The following BCAR3 variants were observed in gnomAD, a reference collection of about 807,000 sequenced individuals.
BCAR3 encodes the protein breast cancer anti-estrogen resistance protein 3.
Under a neutral mutation model 80.1 loss-of-function variants are expected in BCAR3, and 37 were observed. That is an observed-to-expected ratio of 0.46 (90% CI 0.36 to 0.61). The LOEUF is 0.61. Among genes scored for constraint, BCAR3 ranks in the 20% least tolerant of loss-of-function variants. The pLI is 0.00. For synonymous variants in BCAR3, 389 were observed against 418.9 expected (o/e 0.93, Z 0.87); for missense variants, 978 against 1,068.2 (o/e 0.92, Z 1.18).
At chr1:93,817,523 G>A (rs2818167) in intron 2 of BCAR3, among the ~76,000 whole-genome samples, 91,748 of 152,074 alleles carry the variant, frequency 0.6, 28,943 homozygotes, top group East Asian at 0.78. Flanking sequence ...GTTGAGTGTC[G>A]TGACCTTTCA....
upstream of BCAR3, chr1:93,847,215 G>T (rs1655247805): frequency 5.2e-6 from 1 of 190,924 alleles, no homozygotes; most frequent in South Asian, 8.2e-5. Flanking sequence ...GCGGCCGCCG[G>T]AGAGACCTGG....
At chr1:93,816,607 G>T (rs1215559338) in intron 2 of BCAR3, among the ~76,000 whole-genome samples, 1 of 145,366 alleles carries the variant, frequency 6.9e-6, no homozygotes, top group African/African-American at 2.6e-5. Context: ...GGAGGCGGAG[G>T]TTGCAGTGAG....
intron 3 of BCAR3, among the ~76,000 whole-genome samples, chr1:93,622,020 C>T (rs1229014016): frequency 3.9e-5 from 6 of 152,228 alleles, no homozygotes; most frequent in East Asian, 1.9e-4. Context: ...TACAGGCACC[C>T]GCCACCATGC....
chr1:93,735,280 C>A (rs71652543), intron 2 of BCAR3, among the ~76,000 whole-genome samples: 2,314 of 152,308 alleles, frequency 0.015, 24 homozygotes, highest in Non-Finnish European at 0.025. Flanking sequence ...ACATGTGGAA[C>A]CACATTCCAA....
At chr1:93,785,525 T>C (rs2100766109) in intron 2 of BCAR3, among the ~76,000 whole-genome samples, 1 of 152,346 alleles carries the variant, frequency 6.6e-6, no homozygotes, top group Admixed American at 6.5e-5. Flanking sequence ...GTGCTAGCTA[T>C]ACCAAACATG....
intron 2 of BCAR3, among the ~76,000 whole-genome samples, chr1:93,662,172 T>C (rs572446630): frequency 2.0e-5 from 3 of 152,226 alleles, no homozygotes; most frequent in Non-Finnish European, 4.4e-5. Context: ...ATTCACCAGG[T>C]ATGATTTGGG....
Position 93,571,849 on chromosome 1 carries a change from C to A in BCAR3, c.1803-8G>T. ...ATGGCCATTGTGTTGTGTCTGAAAG[C>A]CAGGAGATCAGCGGTCAGGTTCAGG... On this transcript the variant is annotated splice_region_variant and splice_polypyrimidine_tract_variant and intron_variant, in intron 8 of 11. Transcript: ENST00000260502. The A allele has an allele frequency of 4.3e-6, 7 of 1,609,956 alleles. No homozygotes were observed. Among genetic ancestry groups the A allele is most frequent in the Non-Finnish European group, 5.1e-6 (6 of 1,177,606 alleles).
intron 2 of BCAR3, among the ~76,000 whole-genome samples, chr1:93,647,816 A>G (rs983346953): frequency 6.6e-6 from 1 of 151,636 alleles, no homozygotes; most frequent in African/African-American, 2.4e-5. Context: ...CTTGTCGCCC[A>G]GGCTAGAGTG....
chr1:93,802,634 G>A (rs1450913905), intron 2 of BCAR3, among the ~76,000 whole-genome samples: 2 of 152,190 alleles, frequency 1.3e-5, no homozygotes, highest in African/African-American at 2.4e-5. Context: ...TGGGAGTAAA[G>A]GAATATCTAG....
intron 2 of BCAR3, among the ~76,000 whole-genome samples, chr1:93,805,294 G>A (rs1483594796): frequency 6.6e-6 from 1 of 152,210 alleles, no homozygotes; most frequent in Non-Finnish European, 1.5e-5. Context: ...GGAGTGAGCT[G>A]CAGCTAAGGG....
intron 2 of BCAR3, among the ~76,000 whole-genome samples, chr1:93,643,574 A>AG (rs1676061873): frequency 6.8e-6 from 1 of 147,330 alleles, no homozygotes; most frequent in African/African-American, 2.5e-5. Flanking sequence ...AAAAAAAAAA[A>AG]GAAATTTTTT....
At chr1:93,702,654 A>G (rs899187153) in intron 3 of BCAR3, among the ~76,000 whole-genome samples, 4 of 152,204 alleles carry the variant, frequency 2.6e-5, no homozygotes, top group Non-Finnish European at 5.9e-5. Flanking sequence ...AAAGCACTTC[A>G]TTAAGACAGG....
chr1:93,784,338 G>C (rs1251645845), intron 2 of BCAR3, among the ~76,000 whole-genome samples: 2 of 152,168 alleles, frequency 1.3e-5, no homozygotes, highest in East Asian at 3.8e-4. Context: ...TATTGATGAG[G>C]TGAGGACAGG....
At chr1:93,569,043 T>C in intron 9 of BCAR3, among the ~76,000 whole-genome samples, 1 of 152,192 alleles carries the variant, frequency 6.6e-6, no homozygotes, top group Non-Finnish European at 1.5e-5. Flanking sequence ...TGGAACAATT[T>C]AGTCAGCAGC....
intron 2 of BCAR3, among the ~76,000 whole-genome samples, chr1:93,731,890 C>A (rs1650805114): frequency 6.6e-6 from 1 of 152,154 alleles, no homozygotes; most frequent in Non-Finnish European, 1.5e-5. Context: ...CCCACTGCCT[C>A]TGGGCAAAGA....
At chr1:93,805,990 A>G (rs889945403) in intron 2 of BCAR3, among the ~76,000 whole-genome samples, 2 of 152,152 alleles carry the variant, frequency 1.3e-5, no homozygotes, top group Non-Finnish European at 2.9e-5. Flanking sequence ...AGGTTAAATA[A>G]TGAAATTGAA....
At chr1:93,641,001 C>T (rs1044287145) in intron 3 of BCAR3, among the ~76,000 whole-genome samples, 1 of 152,194 alleles carries the variant, frequency 6.6e-6, no homozygotes, top group African/African-American at 2.4e-5. Flanking sequence ...TAATACTTTG[C>T]AATGCACAAC....
chr1:93,791,052 A>G (rs1405714939), intron 2 of BCAR3, among the ~76,000 whole-genome samples: 1 of 85,286 alleles, frequency 1.2e-5, no homozygotes, highest in Non-Finnish European at 2.1e-5. Flanking sequence ...CCAGTCTATC[A>G]TTGTTGGACA....
chr1:93,595,612 A>T (rs911052630), intron 3 of BCAR3, among the ~76,000 whole-genome samples: 29 of 152,220 alleles, frequency 1.9e-4, no homozygotes, highest in African/African-American at 7.0e-4. Context: ...ACATAAATTA[A>T]TGCAATTATT....
Sources: allele counts gnomAD v4.1 joint callset (sites outside exome capture counted in the v4.1 genomes callset), GRCh38; gene constraint gnomAD v4.1.1; transcripts MANE v1.5; gene names NCBI Gene and HGNC (gene_info 2026-07-23, HGNC 2026-07-21).